Variants in SYCE2 observed in about 807,000 individuals in gnomAD.
SYCE2 encodes the protein synaptonemal complex central element protein 2.
SYCE2 carries 3 observed loss-of-function variants against 27.9 expected under a neutral mutation model. The observed-to-expected ratio is 0.11, with a 90% CI of 0.05 to 0.28. SYCE2 has a LOEUF of 0.28. Ranked by LOEUF, SYCE2 falls within the 10% of genes least tolerant of loss-of-function variation. SYCE2 has a pLI of 1.00. For synonymous variants in SYCE2, 85 were observed against 100.7 expected (o/e 0.84, Z 0.93); for missense variants, 207 against 263.5 (o/e 0.79, Z 1.48).
intron 2 of SYCE2, among the ~76,000 whole-genome samples, chr19:12,913,185 T>C (rs964076455): frequency 7.2e-5 from 11 of 152,198 alleles, no homozygotes; most frequent in Non-Finnish European, 8.8e-5. Context: ...TCATCTATTA[T>C]GGTCTGTCCT....
intron 3 of SYCE2, among the ~76,000 whole-genome samples, chr19:12,902,937 G>A (rs1227800852): frequency 2.0e-5 from 3 of 148,768 alleles, no homozygotes; most frequent in East Asian, 4.0e-4. Flanking sequence ...TTATAGGCAC[G>A]TGCTACCATG....
intron 2 of SYCE2, among the ~76,000 whole-genome samples, chr19:12,915,183 C>T (rs917439458): frequency 8.5e-5 from 13 of 152,188 alleles, no homozygotes; most frequent in African/African-American, 3.1e-4. Context: ...CAGTGGCTCA[C>T]GCCTGTAATC....
chr19:12,910,153 C>T (rs2145975293), intron 2 of SYCE2, among the ~76,000 whole-genome samples: 1 of 152,284 alleles, frequency 6.6e-6, no homozygotes, highest in African/African-American at 2.4e-5. Flanking sequence ...GCGTGAGCCA[C>T]CATGCCCGGC....
intron 2 of SYCE2, among the ~76,000 whole-genome samples, chr19:12,915,940 G>A (rs1045739259): frequency 6.6e-6 from 1 of 152,150 alleles, no homozygotes; most frequent in Non-Finnish European, 1.5e-5. Flanking sequence ...CAGGGGAAAG[G>A]TCTCCCAGCA....
Position 12,899,374 on chromosome 19 carries a change from T to C in SYCE2, c.624A>G (p.Ser208=). 1 of 1,614,198 alleles carries C rather than the reference T, an allele frequency of 6.2e-7. No homozygotes were observed. Among genetic ancestry groups the C allele is most frequent in the African/African-American group, 1.3e-5 (1 of 75,050 alleles). The part of the protein sequence containing the change: ...VAETTSQATA[S]EVQTNRDGEC ...CACCATCTCTGTTGGTCTGTACTTC[T>C]GAAGCAGTGGCCTGGGGATACATGA... The change falls in exon 6 of 6, where the codon TCA becomes TCG. Residue 208 remains serine, a synonymous_variant. Transcript: ENST00000293695.
intron 2 of SYCE2, among the ~76,000 whole-genome samples, chr19:12,906,726 G>GT (rs1970940567): frequency 6.6e-6 from 1 of 151,994 alleles, no homozygotes; most frequent in Non-Finnish European, 1.5e-5. Flanking sequence ...GGCCAACATG[G>GT]TGAAACCCCA....
Position 12,915,588 on chromosome 19 carries a change from C to G in SYCE2, c.131+2634G>C, listed in dbSNP as rs559748240. ...CCTCACTCCAGCCTGGGCAACAGAG[C>G]GAGACTCCATCTCAAAAAAAAAAAA... On this transcript the variant is annotated intron_variant, in intron 2 of 5. Transcript: ENST00000293695. Among the ~76,000 whole-genome samples the G allele has an allele frequency of 3.4e-4, 45 of 130,762 alleles. 2 individuals carry two copies. The South Asian group carries it at 0.011, about 31-fold the overall frequency. 85.8% of individuals were successfully genotyped at this position (130,762 alleles called of 152,430 possible).
intron 5 of SYCE2, 69 bp downstream of exon 5, chr19:12,899,935 G>A (rs751063496): frequency 6.2e-7 from 1 of 1,611,388 alleles, no homozygotes. Flanking sequence ...TTGGAGCAGA[G>A]TGAGGGAGAG....
chr19:12,899,828 T>A, intron 5 of SYCE2, 176 bp downstream of exon 5: 1 of 1,576,086 alleles, frequency 6.3e-7, no homozygotes. Flanking sequence ...GAGAGTGACA[T>A]GGAAGCAACT....
chr19:12,919,125 C>T lies in SYCE2; in HGVS notation c.15+118G>A, dbSNP rs1271525943. 1.5e-5 allele frequency: 20 copies of T among 1,362,282 alleles called. No individual in the cohort carries two copies. The East Asian group carries it at 4.6e-4, about 31-fold the overall frequency. The allele number at this position is 1,362,282 out of a possible 1,614,324, so 84.4% of individuals were successfully genotyped here. ...AGGCCAGGCCTGATGAGAGGGAGCCCCAATGGCAAAGGACAAGCGGCCGGG... is the reference window on the plus strand; with the variant it reads ...AGGCCAGGCCTGATGAGAGGGAGCCTCAATGGCAAAGGACAAGCGGCCGGG... On this transcript the variant is annotated intron_variant, in intron 1 of 5. Transcript: ENST00000293695.
chr19:12,919,159 C>G, intron 1 of SYCE2, 84 bp downstream of exon 1: 2 of 1,577,552 alleles, frequency 1.3e-6, no homozygotes, highest in Non-Finnish European at 1.7e-6. Flanking sequence ...GGCTCGGGTC[C>G]GCTGGAGATG....
rs188813733 is a variant in SYCE2, at chr19:12,917,116, A to G, written c.131+1106T>C. 5.2e-3 allele frequency among the ~76,000 whole-genome samples: 778 copies of G among 149,212 alleles called. 2 individuals are homozygous for G. Among genetic ancestry groups the G allele is most frequent in the Non-Finnish European group, 7.8e-3 (525 of 67,578 alleles). On this transcript the variant is annotated intron_variant, in intron 2 of 5. Coordinates refer to ENST00000293695, the MANE Select transcript of SYCE2 (RefSeq NM_001105578.2). ...GTCTTGCTCTGTCACCAAGGCTGGA[A>G]TGCAATGGCACAATCTTGGCTTACT...
At chr19:12,907,354 C>T (rs757209395) in intron 2 of SYCE2, among the ~76,000 whole-genome samples, 2 of 152,246 alleles carry the variant, frequency 1.3e-5, no homozygotes, top group African/African-American at 2.4e-5. Flanking sequence ...TCAGGCGCCA[C>T]TCCCCTCCTG....
At chr19:12,908,486 G>A (rs1970983140) in intron 2 of SYCE2, among the ~76,000 whole-genome samples, 2 of 151,762 alleles carry the variant, frequency 1.3e-5, no homozygotes, top group South Asian at 2.1e-4. Flanking sequence ...CACCACGCCC[G>A]GCTAATTTTT....
chr19:12,899,341 T>A lies in SYCE2; in HGVS notation c.657A>T (p.Ter219CysextTer25), dbSNP rs1970776655. The change falls in exon 6 of 6, where the codon TGA becomes TGT. Residue 219 changes from the stop codon to cysteine (C), a stop_lost. Coordinates refer to ENST00000293695, the MANE Select transcript of SYCE2 (RefSeq NM_001105578.2). ...TAAGGCGTGAGTCTCCCGGCAGCTGTCAGCATTCACCATCTCTGTTGGTCT... is the reference window on the plus strand; with the variant it reads ...TAAGGCGTGAGTCTCCCGGCAGCTGACAGCATTCACCATCTCTGTTGGTCT... ...EVQTNRDGEC* is the reference protein window; with the variant it reads ...EVQTNRDGECC 1.2e-6 allele frequency: 2 copies of A among 1,613,736 alleles called. No individual in the cohort carries two copies. The highest frequency in any genetic ancestry group is 1.7e-6 in the Non-Finnish European group (2 of 1,179,738).
chr19:12,898,831 T>C lies in SYCE2; in HGVS notation c.*510A>G. On this transcript the variant is annotated 3_prime_UTR_variant, in exon 6 of 6. Coordinates refer to ENST00000293695, the MANE Select transcript of SYCE2 (RefSeq NM_001105578.2). Reference sequence around the variant, plus strand: ...TTTAGGAAGTAAACAGAATTGGCTCTAAAAAGGAGGCTACAATCTGCCTTC... The same window carrying C: ...TTTAGGAAGTAAACAGAATTGGCTCCAAAAAGGAGGCTACAATCTGCCTTC... 5.7e-6 allele frequency: 1 copy of C among 173,946 alleles called. No individual in the cohort carries two copies. The highest frequency in any genetic ancestry group is 1.5e-4 in the East Asian group (1 of 6,540). The allele number at this position is 173,946 out of a possible 1,614,324, so 10.8% of individuals were successfully genotyped here.
Position 12,919,283 on chromosome 19 carries a change from G to C in SYCE2, c.-26C>G, listed in dbSNP as rs1407091083. 7 of 1,608,834 alleles carry C rather than the reference G, an allele frequency of 4.4e-6. No individual in the cohort carries two copies. The highest frequency in any genetic ancestry group is 4.2e-6 in the Non-Finnish European group (5 of 1,179,946). ...TCCGTATTTTCCCGCCTTCAAGCTCGCACCCTCTGCGCATGCGCCGACCCC... is the reference window on the plus strand; with the variant it reads ...TCCGTATTTTCCCGCCTTCAAGCTCCCACCCTCTGCGCATGCGCCGACCCC... On this transcript the variant is annotated 5_prime_UTR_variant, in exon 1 of 6. Transcript: ENST00000293695.
At chr19:12,911,197 A>G (rs994055591) in intron 2 of SYCE2, among the ~76,000 whole-genome samples, 1 of 151,864 alleles carries the variant, frequency 6.6e-6, no homozygotes, top group Non-Finnish European at 1.5e-5. Flanking sequence ...AGCTGGTCTC[A>G]AACTCCTGGC....
intron 2 of SYCE2, among the ~76,000 whole-genome samples, chr19:12,909,322 AC>A: frequency 6.6e-6 from 1 of 152,046 alleles, no homozygotes; most frequent in Non-Finnish European, 1.5e-5. Flanking sequence ...AATATATGAA[AC>A]CTCCCAGCCT....
Sources: allele counts gnomAD v4.1 joint callset (sites outside exome capture counted in the v4.1 genomes callset), GRCh38; gene constraint gnomAD v4.1.1; transcripts MANE v1.5; gene names NCBI Gene and HGNC (gene_info 2026-07-23, HGNC 2026-07-21).